HERC1: variants seen among roughly 807,000 people sequenced by gnomAD.
HERC1 encodes probable E3 ubiquitin-protein ligase HERC1.
HERC1 carries 160 observed loss-of-function variants against 554.3 expected under a neutral mutation model. That is an observed-to-expected ratio of 0.29 (90% CI 0.25 to 0.33). The LOEUF (loss-of-function observed/expected upper bound fraction) is 0.33, where lower values mean the gene tolerates loss of function less well. Ranked by LOEUF, HERC1 falls within the 10% of genes least tolerant of loss-of-function variation. The pLI, the probability that HERC1 is intolerant of heterozygous loss-of-function variation, is 1.00. For synonymous variants in HERC1, 2,175 were observed against 2,131.7 expected (o/e 1.02, Z -0.56); for missense variants, 4,919 against 5,918.5 (o/e 0.83, Z 5.54).
chr15:63,741,795 T>A (rs1256551761), intron 12 of HERC1, among the ~76,000 whole-genome samples: 1 of 152,238 alleles, frequency 6.6e-6, no homozygotes, highest in African/African-American at 2.4e-5. Context: ...AAGCCACAGA[T>A]GTATGAGTTT....
At chr15:63,701,478 T>C (rs1300493892) in intron 25 of HERC1, among the ~76,000 whole-genome samples, 1 of 152,188 alleles carries the variant, frequency 6.6e-6, no homozygotes, top group Non-Finnish European at 1.5e-5. Context: ...ACAGTAAATA[T>C]TTTAGGCTTT....
Position 63,674,384 on chromosome 15 carries a change from G to A in HERC1, c.7804C>T (p.His2602Tyr). The A allele has an allele frequency of 1.2e-6, 2 of 1,612,786 alleles. No homozygotes were observed. Among genetic ancestry groups the A allele is most frequent in the Non-Finnish European group, 1.7e-6 (2 of 1,179,550 alleles). Reference sequence around the variant, plus strand: ...CCAAACTGGTCTTCCAAAAGCCCATGAACCACTAATTTATAGATCATGGCT... The same window carrying A: ...CCAAACTGGTCTTCCAAAAGCCCATAAACCACTAATTTATAGATCATGGCT... The part of the protein sequence containing the change: ...AQAMIYKLVV[H>Y]GLLEDQFGGK... The change falls in exon 38 of 78, where the codon CAT becomes TAT. Residue 2602 changes from histidine to tyrosine, a missense_variant. By Grantham distance (83) the His-to-Tyr change is moderately conservative (BLOSUM62 2). This residue lies in a region of HERC1 where 1,963 missense variants were observed against 2,228.6 expected (regional missense o/e 0.88). Coordinates refer to ENST00000443617, the MANE Select transcript of HERC1 (RefSeq NM_003922.4).
At position 63,635,951 on chromosome 15, in the gene HERC1, C is replaced by G. The variant is rs1467976437; in HGVS notation, c.12414+10G>C. ...CAATGAAAGGCAAACTTATCCATTT[C>G]CTGCCTGACCTGCACCACTTCTTCT... On this transcript the variant is annotated intron_variant, in intron 65 of 77. Transcript: ENST00000443617. 1.2e-6 allele frequency: 2 copies of G among 1,612,408 alleles called. No homozygotes were observed. The highest frequency in any genetic ancestry group is 1.7e-6 in the Non-Finnish European group (2 of 1,179,132).
chr15:63,616,775 G>T, intron 74 of HERC1, 93 bp from the exon 75 acceptor site: 2 of 1,131,252 alleles, frequency 1.8e-6, no homozygotes, highest in Non-Finnish European at 1.3e-6. Flanking sequence ...GTCTATACCT[G>T]TACTGTTCAA....
At chr15:63,833,450 G>T (rs1290679008) in intron 1 of HERC1, among the ~76,000 whole-genome samples, 1 of 152,146 alleles carries the variant, frequency 6.6e-6, no homozygotes, top group Non-Finnish European at 1.5e-5. Context: ...GAGCTGGTCA[G>T]CAGATAAAGG....
chr15:63,786,431 T>C (rs958525830), intron 1 of HERC1, among the ~76,000 whole-genome samples: 2 of 152,148 alleles, frequency 1.3e-5, no homozygotes, highest in Non-Finnish European at 2.9e-5. Context: ...AAACACATGT[T>C]CATATGAAAA....
At chr15:63,719,649 T>C (rs559730426) in intron 19 of HERC1, among the ~76,000 whole-genome samples, 38 of 152,314 alleles carry the variant, frequency 2.5e-4, no homozygotes, top group African/African-American at 8.7e-4. Context: ...GAAATGATGA[T>C]GACTCAGAAA....
intron 25 of HERC1, among the ~76,000 whole-genome samples, chr15:63,704,675 G>C (rs1275201440): frequency 3.3e-5 from 5 of 151,064 alleles, no homozygotes; most frequent in Non-Finnish European, 5.9e-5. Context: ...ATAATGAAAT[G>C]CATGTTGCAC....
At position 63,679,218 on chromosome 15, in the gene HERC1, C is replaced by T. The variant is rs2071353755; in HGVS notation, c.6550-853G>A. On this transcript the variant is annotated intron_variant, in intron 36 of 77. Transcript: ENST00000443617. ...CTTTGGGCTGCAAACCTACATAGGGCAAGGGATGGTATCAGGCACTGGGCT... is the reference window on the plus strand; with the variant it reads ...CTTTGGGCTGCAAACCTACATAGGGTAAGGGATGGTATCAGGCACTGGGCT... 2.6e-5 allele frequency among the ~76,000 whole-genome samples: 4 copies of T among 152,182 alleles called. 1 individual carries two copies. The South Asian group carries it at 8.3e-4, about 31-fold the overall frequency.
intron 1 of HERC1, among the ~76,000 whole-genome samples, chr15:63,832,580 A>G (rs775992480): frequency 2.6e-5 from 4 of 152,240 alleles, no homozygotes; most frequent in Admixed American, 6.5e-5. Flanking sequence ...CACTAACAGA[A>G]TTGTAAAAAT....
At position 63,698,708 on chromosome 15, in the gene HERC1, A is replaced by AT. The variant is rs996049522; in HGVS notation, c.4905+19_4905+20insA. 2.5e-6 allele frequency: 4 copies of AT among 1,605,936 alleles called. No individual in the cohort carries two copies. In the Admixed American group the frequency reaches 5.1e-5, roughly 20 times the overall value. ...TTAAGTTTCCAGAGCTCTCATAAGG[A>AT]GTAAATATCAAAGACTTACTTCTGC... is the stretch of plus-strand genomic sequence containing the variant. On this transcript the variant is annotated intron_variant, in intron 26 of 77. Coordinates refer to ENST00000443617, the MANE Select transcript of HERC1 (RefSeq NM_003922.4).
chr15:63,615,835 G>A lies in HERC1; in HGVS notation c.14027C>T (p.Thr4676Ile). 1 of 1,607,896 alleles carries A rather than the reference G, an allele frequency of 6.2e-7. No homozygotes were observed. The highest frequency in any genetic ancestry group is 2.2e-5 in the East Asian group (1 of 44,524). ...IIPGGNSIPL[T>I]FSNRKEYVER... is the part of the protein sequence containing the mutation. ...CACATATTCCTTCCTGTTGGAAAAT[G>A]TGAGTGGGATACTATTTCCACCAGG... The change falls in exon 76 of 78, where the codon ACA becomes ATA. Residue 4676 changes from threonine to isoleucine, a missense_variant. Thr to Ile is a moderately conservative substitution (Grantham distance 89). Around this residue, in one of 11 missense-constraint regions of HERC1, gnomAD observed 284 missense variants for 294.1 expected, o/e 0.97. Transcript: ENST00000443617.
At position 63,782,261 on chromosome 15, in the gene HERC1, G is replaced by A. The variant is rs568621841; in HGVS notation, c.-26-6612C>T. Among the ~76,000 whole-genome samples, 8 of 152,298 alleles carry A rather than the reference G, an allele frequency of 5.3e-5. No individual in the cohort carries two copies. The South Asian group carries it at 1.7e-3, about 32-fold the overall frequency. The stretch of plus-strand genomic sequence containing the variant: ...AATAATTCAATACCTGCCTTCAAAG[G>A]ACAGGTTGAGTCTCTTGCTAAGGGC... On this transcript the variant is annotated intron_variant, in intron 1 of 77. Coordinates refer to ENST00000443617, the MANE Select transcript of HERC1 (RefSeq NM_003922.4).
chr15:63,622,967 T>C lies in HERC1; in HGVS notation c.13612-76A>G, dbSNP rs570252596. ...AGAGAACAAACCAATTACAAGATCATACTGAAAAGAGAATATTTTGAGGAA... is the reference window on the plus strand; with the variant it reads ...AGAGAACAAACCAATTACAAGATCACACTGAAAAGAGAATATTTTGAGGAA... On this transcript the variant is annotated intron_variant, in intron 73 of 77. Coordinates refer to ENST00000443617, the MANE Select transcript of HERC1 (RefSeq NM_003922.4). 12 of 798,566 alleles carry C rather than the reference T, an allele frequency of 1.5e-5. No individual in the cohort carries two copies. The East Asian group carries it at 2.9e-4, about 19-fold the overall frequency. 49.5% of individuals were successfully genotyped at this position (798,566 alleles called of 1,614,324 possible). A position where few individuals can be genotyped will look rare whatever the true frequency, so the allele number is the denominator to read the frequency against.
In HERC1 at chr15:63,756,843, T is replaced by C. The variant is rs962944041; in HGVS notation, c.1222-95A>G. ...TATCAAAGAGCCTCAAAGGAAGTCT[T>C]TTAGCAGGATACGGCATGATTCTCC... On this transcript the variant is annotated intron_variant, in intron 4 of 77. Coordinates refer to ENST00000443617, the MANE Select transcript of HERC1 (RefSeq NM_003922.4). This position sits in a 1 kb window ranked among gnomAD's most constrained non-coding sequence, Gnocchi z 5.0. 2 of 732,132 alleles carry C rather than the reference T, an allele frequency of 2.7e-6. No homozygotes were observed. The highest frequency in any genetic ancestry group is 3.6e-5 in the African/African-American group (2 of 56,336). The allele number at this position is 732,132 out of a possible 1,614,324, so 45.4% of individuals were successfully genotyped here.
intron 25 of HERC1, among the ~76,000 whole-genome samples, chr15:63,706,349 C>A (rs912255440): frequency 6.6e-6 from 1 of 152,042 alleles, no homozygotes; most frequent in African/African-American, 2.4e-5. Flanking sequence ...CTTTTTATTT[C>A]AACGTGTGTG....
rs1411481644 is a variant in HERC1, at chr15:63,727,830, A to G, written c.3163T>C (p.Tyr1055His). Residue 1055 changes from tyrosine (Y) to histidine (H), a missense_variant, in exon 17 of 78, where the codon TAC (tyrosine) becomes CAC (histidine). Coordinates refer to ENST00000443617, the MANE Select transcript of HERC1 (RefSeq NM_003922.4). The surrounding 1 kb of genome is among the most constrained non-coding windows in gnomAD (Gnocchi z 4.3). ...AGCATACTGCCAGCAGCTGAGACGT[A>G]TATCACATCTATGAAGGGCAAGAAA... is the stretch of plus-strand genomic sequence containing the variant. ...SVGEKLRDVI[Y>H]VSAAGSMLCQ... 2 of 1,612,966 alleles carry G rather than the reference A, an allele frequency of 1.2e-6. No homozygotes were observed. Among genetic ancestry groups the G allele is most frequent in the Admixed American group, 1.7e-5 (1 of 59,956 alleles).
intron 1 of HERC1, among the ~76,000 whole-genome samples, chr15:63,781,512 C>T (rs2076288175): frequency 6.6e-6 from 1 of 152,146 alleles, no homozygotes; most frequent in Admixed American, 6.5e-5. Flanking sequence ...ACAAAGCACA[C>T]CCATATAAGA....
rs752535629 is a variant in HERC1, at chr15:63,640,228, T to C, written c.11825A>G (p.Asn3942Ser). The C allele has an allele frequency of 3.7e-6, 6 of 1,613,920 alleles. No homozygotes were observed. The highest frequency in any genetic ancestry group is 1.1e-5 in the South Asian group (1 of 91,086). Residue 3942 changes from asparagine (N) to serine (S), a missense_variant, in exon 61 of 78, where the codon AAT becomes AGT. Coordinates refer to ENST00000443617, the MANE Select transcript of HERC1 (RefSeq NM_003922.4). ...TTIKAAEALT[N>S]GAQFPESFTV... ...AAAAGATTCTGGAAACTGGGCTCCATTGGTCAGGGCTTCGGCAGCTTTTAT... is the reference window on the plus strand; with the variant it reads ...AAAAGATTCTGGAAACTGGGCTCCACTGGTCAGGGCTTCGGCAGCTTTTAT...
Sources: allele counts gnomAD v4.1 joint callset (sites outside exome capture counted in the v4.1 genomes callset), GRCh38; gene constraint gnomAD v4.1.1; regional missense constraint gnomAD v4.1.1; non-coding constraint Gnocchi (gnomAD v3.1); transcripts MANE v1.5; gene names NCBI Gene and HGNC (gene_info 2026-07-23, HGNC 2026-07-21).